The following PDE4D variants were observed in gnomAD, a reference collection of about 807,000 sequenced individuals.
PDE4D encodes phosphodiesterase 4D.
In PDE4D, 24 loss-of-function variants were observed where a neutral mutation model predicts 87.4. The ratio of observed to expected loss-of-function variants is 0.27; its 90% CI spans 0.20 to 0.39. PDE4D has a LOEUF of 0.39. Ranked by LOEUF, PDE4D falls within the 10% of genes least tolerant of loss-of-function variation. The pLI, the probability that PDE4D is intolerant of heterozygous loss-of-function variation, is 1.00. For synonymous variants in PDE4D, 384 were observed against 383.2 expected, an observed-to-expected ratio of 1.00 and a Z score of -0.02; for missense variants, 714 against 1,041.0, an observed-to-expected ratio of 0.69 and a Z score of 4.32.
chr5:59,893,903 G>T, upstream of PDE4D: 2 of 959,788 alleles, frequency 2.1e-6, no homozygotes, highest in Non-Finnish European at 2.7e-6. Context: ...GGTGCGCGGT[G>T]CCCGGTTTCG....
chr5:60,308,783 A>C (rs562247825), intron 1 of PDE4D, among the ~76,000 whole-genome samples: 2 of 152,304 alleles, frequency 1.3e-5, no homozygotes, highest in African/African-American at 4.8e-5. Flanking sequence ...AGATGGCAAA[A>C]CAAATGCCCC....
intron 2 of PDE4D, among the ~76,000 whole-genome samples, chr5:60,008,463 A>C (rs1582153636): frequency 6.6e-6 from 1 of 152,054 alleles, no homozygotes; most frequent in South Asian, 2.1e-4. Flanking sequence ...TCTGAAGGCC[A>C]TAAGTTTGGA....
At chr5:59,496,809 C>T (rs575660420) in intron 1 of PDE4D, among the ~76,000 whole-genome samples, 1 of 152,120 alleles carries the variant, frequency 6.6e-6, no homozygotes, top group Non-Finnish European at 1.5e-5. Flanking sequence ...GTGGCTCTCC[C>T]CAGCGGAACC....
At chr5:60,025,747 G>A (rs1316600107) in intron 2 of PDE4D, among the ~76,000 whole-genome samples, 1 of 151,858 alleles carries the variant, frequency 6.6e-6, no homozygotes, top group Non-Finnish European at 1.5e-5. Context: ...AAGACATCAT[G>A]ATTTAAAAAA....
chr5:59,186,148 T>G (rs1742861436), intron 3 of PDE4D, among the ~76,000 whole-genome samples: 1 of 152,170 alleles, frequency 6.6e-6, no homozygotes, highest in African/African-American at 2.4e-5. Flanking sequence ...GGGTGACAGC[T>G]AGAGTGCTAA....
intron 5 of PDE4D, among the ~76,000 whole-genome samples, chr5:59,178,778 C>A (rs1260282470): frequency 6.6e-6 from 1 of 152,216 alleles, no homozygotes; most frequent in Admixed American, 6.5e-5. Flanking sequence ...CAAAATAGCA[C>A]TGCATTCTGC....
At chr5:59,145,595 T>C (rs1212491072) in intron 5 of PDE4D, among the ~76,000 whole-genome samples, 1 of 152,092 alleles carries the variant, frequency 6.6e-6, no homozygotes. Flanking sequence ...AGAAATCGAC[T>C]GAAGTAAGCA....
At chr5:59,409,472 C>T (rs1487518438) in intron 1 of PDE4D, among the ~76,000 whole-genome samples, 1 of 152,120 alleles carries the variant, frequency 6.6e-6, no homozygotes, top group Non-Finnish European at 1.5e-5. Flanking sequence ...GAGATGGGCC[C>T]TGGTGCGTGG....
intron 1 of PDE4D, among the ~76,000 whole-genome samples, chr5:59,525,559 T>G (rs984883021): frequency 2.6e-5 from 4 of 152,288 alleles, no homozygotes; most frequent in Admixed American, 2.0e-4. Flanking sequence ...AGTCAAGACT[T>G]TGGGAGACTC....
chr5:59,219,213 GA>G (rs1388531615), intron 1 of PDE4D, among the ~76,000 whole-genome samples: 4 of 149,998 alleles, frequency 2.7e-5, no homozygotes, highest in Admixed American at 2.0e-4. Context: ...AAAAAGAAAA[GA>G]AAAAAAATAC....
At chr5:59,963,980 G>A (rs975438800) in intron 3 of PDE4D, among the ~76,000 whole-genome samples, 1 of 152,108 alleles carries the variant, frequency 6.6e-6, no homozygotes. Flanking sequence ...ATTTTTGCAA[G>A]CAGATTTTTA....
chr5:59,068,846 C>T (rs1406553267), intron 5 of PDE4D, among the ~76,000 whole-genome samples: 3 of 152,110 alleles, frequency 2.0e-5, no homozygotes, highest in Non-Finnish European at 4.4e-5. Flanking sequence ...AACTACCTCG[C>T]TCATCTAATG....
rs1742985787 is a variant in PDE4D at position 58,973,501 on chromosome 5, C to T, written c.*1163G>A. On this transcript the variant is annotated 3_prime_UTR_variant, in exon 15 of 15. Transcript: ENST00000340635. ...GTGTGGATTATTAGAAAGACATGCA[C>T]TTGTGAAATGAACATCTAGTGACAC... 6.6e-6 allele frequency: 1 copy of T among 150,464 alleles called. No individual in the cohort carries two copies. Among genetic ancestry groups the T allele is most frequent in the Non-Finnish European group, 1.5e-5 (1 of 66,410 alleles). The allele number at this position is 150,464 out of a possible 1,614,324, so 9.3% of individuals were successfully genotyped here. A position where few individuals can be genotyped will look rare whatever the true frequency, so the allele number is the denominator to read the frequency against.
intron 1 of PDE4D, among the ~76,000 whole-genome samples, chr5:59,565,645 G>T (rs1405885399): frequency 6.6e-6 from 1 of 152,252 alleles, no homozygotes; most frequent in African/African-American, 2.4e-5. Flanking sequence ...CGTAAGCCTG[G>T]TGAGGAAAGG....
chr5:60,161,280 T>C (rs1782454389), intron 2 of PDE4D, among the ~76,000 whole-genome samples: 1 of 152,180 alleles, frequency 6.6e-6, no homozygotes, highest in African/African-American at 2.4e-5. Context: ...TTTTGGCTTT[T>C]GAGTTCCAAA....
chr5:60,329,317 G>C (rs73106769), intron 1 of PDE4D, among the ~76,000 whole-genome samples: 8,357 of 152,116 alleles, frequency 0.055, 772 homozygotes, highest in African/African-American at 0.19. Flanking sequence ...GTTTTACAAA[G>C]GGCACTTCCC....
At chr5:59,333,945 G>A (rs910665978) in intron 1 of PDE4D, among the ~76,000 whole-genome samples, 3 of 151,904 alleles carry the variant, frequency 2.0e-5, no homozygotes, top group East Asian at 1.9e-4. Context: ...GTTAAAAGAT[G>A]TATGCAAATC....
intron 1 of PDE4D, among the ~76,000 whole-genome samples, chr5:59,402,449 G>A (rs1409809757): frequency 1.3e-5 from 2 of 152,174 alleles, no homozygotes; most frequent in Middle Eastern, 3.4e-3. Flanking sequence ...CTCCTCTCCC[G>A]AACGGTCAGG....
chr5:59,934,514 C>G (rs976428630), intron 3 of PDE4D, among the ~76,000 whole-genome samples: 1 of 152,294 alleles, frequency 6.6e-6, no homozygotes, highest in East Asian at 1.9e-4. Flanking sequence ...TTATTACTGA[C>G]AACAACCTGC....
Sources: gnomAD v4.1 joint callset for allele counts (sites outside exome capture counted in the v4.1 genomes callset) on GRCh38, gnomAD v4.1.1 for gene constraint, MANE v1.5 for transcripts, NCBI Gene and HGNC (gene_info 2026-07-23, HGNC 2026-07-21) for gene names.